Variants in CALN1 observed in about 807,000 individuals in gnomAD.
CALN1 encodes the protein calneuron 1.
In CALN1, 17 loss-of-function variants were observed where a neutral mutation model predicts 30.6. The observed-to-expected ratio is 0.56, with a 90% CI of 0.38 to 0.83. The LOEUF (loss-of-function observed/expected upper bound fraction) is 0.83, where lower values mean the gene tolerates loss of function less well. Among genes scored for constraint, CALN1 ranks in the 40% least tolerant of loss-of-function variants. CALN1 has a pLI of 0.00. For synonymous variants in CALN1, 156 were observed against 131.4 expected (o/e 1.19, Z -1.28); for missense variants, 291 against 354.9 (o/e 0.82, Z 1.45).
chr7:72,028,641 G>C (rs1562990484), intron 4 of CALN1, among the ~76,000 whole-genome samples: 1 of 152,172 alleles, frequency 6.6e-6, no homozygotes, highest in Non-Finnish European at 1.5e-5. Flanking sequence ...GAGGACGTTT[G>C]GAATTCCAGA....
At chr7:72,440,433 C>A (rs1466651234) in intron 1 of CALN1, among the ~76,000 whole-genome samples, 1 of 152,216 alleles carries the variant, frequency 6.6e-6, no homozygotes, top group Non-Finnish European at 1.5e-5. Context: ...TGTCTGTAAT[C>A]TCAATACTTT....
chr7:72,390,236 C>T (rs1805494436), intron 2 of CALN1, among the ~76,000 whole-genome samples: 1 of 152,012 alleles, frequency 6.6e-6, no homozygotes, highest in Admixed American at 6.5e-5. Context: ...CCAGACCAGC[C>T]TGGCCAACGT....
At chr7:71,847,427 A>G (rs1562834815) in intron 5 of CALN1, among the ~76,000 whole-genome samples, 3 of 152,022 alleles carry the variant, frequency 2.0e-5, no homozygotes, top group Admixed American at 1.3e-4. Flanking sequence ...AGGTGGGTGG[A>G]TCACCTGAGG....
intron 2 of CALN1, among the ~76,000 whole-genome samples, chr7:72,350,522 T>C (rs532870042): frequency 6.6e-6 from 1 of 152,260 alleles, no homozygotes; most frequent in Admixed American, 6.5e-5. Context: ...AGCAATTTAA[T>C]GCAGAACAGA....
chr7:72,189,110 CA>C (rs1393423537), intron 3 of CALN1, among the ~76,000 whole-genome samples: 1 of 152,184 alleles, frequency 6.6e-6, no homozygotes, highest in Non-Finnish European at 1.5e-5. Flanking sequence ...TTAACCCCCG[CA>C]AAATTATCCA....
At chr7:72,094,123 C>T (rs959273713) in intron 4 of CALN1, among the ~76,000 whole-genome samples, 2 of 152,218 alleles carry the variant, frequency 1.3e-5, no homozygotes, top group Admixed American at 1.3e-4. Context: ...CAAGAGGAAA[C>T]ATTCTAGGTC....
intron 5 of CALN1, among the ~76,000 whole-genome samples, chr7:71,960,675 C>T (rs1365610928): frequency 2.0e-5 from 3 of 152,092 alleles, no homozygotes; most frequent in African/African-American, 7.2e-5. Flanking sequence ...TGATTTCTTT[C>T]CTGGTAGTGG....
At chr7:71,902,225 A>AAACCAACCAACC (rs374649403) in intron 5 of CALN1, among the ~76,000 whole-genome samples, 4 of 144,882 alleles carry the variant, frequency 2.8e-5, no homozygotes, top group Non-Finnish European at 3.0e-5. Flanking sequence ...CTCCGTCTCA[A>AAACCAACCAACC]AACCAACCAA....
chr7:72,027,982 C>A (rs1177434886), intron 4 of CALN1, among the ~76,000 whole-genome samples: 4 of 149,114 alleles, frequency 2.7e-5, no homozygotes, highest in African/African-American at 9.8e-5. Context: ...TGGCGTGAAC[C>A]CGGGAGGCGG....
intron 5 of CALN1, among the ~76,000 whole-genome samples, chr7:71,957,713 T>C (rs1352516879): frequency 6.6e-6 from 1 of 152,160 alleles, no homozygotes; most frequent in Non-Finnish European, 1.5e-5. Context: ...AGGAATGTTC[T>C]CATTTTAAGA....
At chr7:72,143,019 T>C (rs1289875851) in intron 3 of CALN1, among the ~76,000 whole-genome samples, 3 of 151,810 alleles carry the variant, frequency 2.0e-5, no homozygotes, top group Non-Finnish European at 4.4e-5. Flanking sequence ...ACCACAAAGA[T>C]GGGGAAAAAA....
At chr7:72,130,066 C>A (rs1809032506) in intron 3 of CALN1, among the ~76,000 whole-genome samples, 1 of 152,122 alleles carries the variant, frequency 6.6e-6, no homozygotes, top group Non-Finnish European at 1.5e-5. Flanking sequence ...AACACTCCCC[C>A]ACCCCCCACC....
At chr7:72,124,541 A>T (rs1048747558) in intron 3 of CALN1, among the ~76,000 whole-genome samples, 2 of 152,076 alleles carry the variant, frequency 1.3e-5, no homozygotes, top group African/African-American at 4.8e-5. Flanking sequence ...AGTCCCAGCT[A>T]CTTGGGAGGC....
At chr7:72,096,410 C>T (rs1448253846) in intron 4 of CALN1, among the ~76,000 whole-genome samples, 1 of 152,214 alleles carries the variant, frequency 6.6e-6, no homozygotes, top group African/African-American at 2.4e-5. Flanking sequence ...TCAATGACTT[C>T]TCTGTAGCCA....
At chr7:72,350,085 T>G (rs1272791338) in intron 2 of CALN1, among the ~76,000 whole-genome samples, 1 of 152,210 alleles carries the variant, frequency 6.6e-6, no homozygotes, top group East Asian at 1.9e-4. Context: ...GGTTTTATGT[T>G]TAAGCCTTCA....
upstream of CALN1, among the ~76,000 whole-genome samples, chr7:72,413,213 A>T (rs1277189122): frequency 6.6e-6 from 1 of 151,158 alleles, no homozygotes; most frequent in Non-Finnish European, 1.5e-5. Flanking sequence ...ACACACACAC[A>T]CTCATACACA....
chr7:72,128,545 G>C (rs999577590), intron 3 of CALN1, among the ~76,000 whole-genome samples: 4 of 152,096 alleles, frequency 2.6e-5, no homozygotes, highest in African/African-American at 9.7e-5. Flanking sequence ...CGAACCAAAA[G>C]CCATAAAATA....
At chr7:72,230,010 G>A (rs1793972126) in intron 3 of CALN1, among the ~76,000 whole-genome samples, 1 of 150,988 alleles carries the variant, frequency 6.6e-6, no homozygotes, top group Admixed American at 6.6e-5. Context: ...GCGTGGTGGT[G>A]GGCGCCTGTA....
chr7:72,170,981 G>A (rs899170605), intron 3 of CALN1, among the ~76,000 whole-genome samples: 1 of 152,082 alleles, frequency 6.6e-6, no homozygotes, highest in African/African-American at 2.4e-5. Flanking sequence ...AACATGGCAA[G>A]ACTCTGTGTT....
Sources: allele counts gnomAD v4.1 joint callset (sites outside exome capture counted in the v4.1 genomes callset), GRCh38; gene constraint gnomAD v4.1.1; transcripts MANE v1.5; gene names NCBI Gene and HGNC (gene_info 2026-07-23, HGNC 2026-07-21).